The following RALGAPA1 variants were observed in gnomAD, a reference collection of about 807,000 sequenced individuals.
RALGAPA1 encodes the protein Ral GTPase activating protein catalytic subunit alpha 1, also known as ral GTPase-activating protein subunit alpha-1.
In RALGAPA1, 52 loss-of-function variants were observed where a neutral mutation model predicts 269.6. The observed-to-expected ratio is 0.19, with a 90% CI of 0.15 to 0.24. RALGAPA1 has a LOEUF of 0.24. Ranked by LOEUF, RALGAPA1 falls within the 10% of genes least tolerant of loss-of-function variation. The pLI, the probability that RALGAPA1 is intolerant of heterozygous loss-of-function variation, is 1.00. For missense variants in RALGAPA1, 1,917 were observed against 3,013.9 expected (o/e 0.64, Z 8.52); for synonymous variants, 817 against 1,008.3 (o/e 0.81, Z 3.60).
intron 36 of RALGAPA1, 56 bp from the exon 37 acceptor site, chr14:35,595,845 GAGAAAGACTCAA>G: frequency 7.0e-7 from 1 of 1,421,012 alleles, no homozygotes; most frequent in Non-Finnish European, 9.6e-7. Context: ...ATACACTACA[GAGAAAGACTCAA>G]ACTTCTTGCT....
chr14:35,758,243 C>CAAAAAAAAA (rs66473514), intron 6 of RALGAPA1, among the ~76,000 whole-genome samples: 3 of 49,734 alleles, frequency 6.0e-5, no homozygotes, highest in African/African-American at 7.3e-5. Flanking sequence ...GACTCTGTCT[C>CAAAAAAAAA]AAAAAAAAAA....
chr14:35,632,171 T>C (rs934512566), intron 33 of RALGAPA1, among the ~76,000 whole-genome samples: 2 of 152,214 alleles, frequency 1.3e-5, no homozygotes, highest in African/African-American at 2.4e-5. Flanking sequence ...TAAATTTATT[T>C]ATACTTATTT....
rs1465830947 is a variant in RALGAPA1, at chr14:35,557,918, AAAAG to A, written c.7497-8688_7497-8685del. On this transcript the variant is annotated intron_variant, in intron 39 of 41. Transcript: ENST00000680220. The stretch of plus-strand genomic sequence containing the variant: ...AATTTAGTCAACTTCATTTCAGCTG[AAAAG>A]AAAGAATCATCTATGGGGTCAGAAT... Among the ~76,000 whole-genome samples, 5 of 152,292 alleles carry A rather than the reference AAAAG, an allele frequency of 3.3e-5. No individual in the cohort carries two copies. The South Asian group carries it at 1.0e-3, about 32-fold the overall frequency.
intron 26 of RALGAPA1, 49 bp downstream of exon 26, chr14:35,671,339 TG>T: frequency 1.4e-6 from 2 of 1,464,642 alleles, no homozygotes; most frequent in East Asian, 4.7e-5. Flanking sequence ...CTTTGTTAGT[TG>T]AATCCTGGCT....
chr14:35,680,941 C>G (rs557555220), intron 21 of RALGAPA1, among the ~76,000 whole-genome samples: 1 of 152,212 alleles, frequency 6.6e-6, no homozygotes, highest in South Asian at 2.1e-4. Flanking sequence ...TCTATAATGG[C>G]TCACTTACTT....
At chr14:35,647,461 T>C (rs1483036444) in intron 31 of RALGAPA1, among the ~76,000 whole-genome samples, 1 of 152,190 alleles carries the variant, frequency 6.6e-6, no homozygotes. Context: ...GATTAAGAGT[T>C]CCTAGAGAAA....
At chr14:35,701,548 A>T (rs2067351491) in intron 16 of RALGAPA1, among the ~76,000 whole-genome samples, 1 of 152,142 alleles carries the variant, frequency 6.6e-6, no homozygotes, top group Non-Finnish European at 1.5e-5. Flanking sequence ...TCATCATCAC[A>T]TCATGACTTT....
intron 41 of RALGAPA1, among the ~76,000 whole-genome samples, chr14:35,545,658 A>C (rs2054390056): frequency 6.6e-6 from 1 of 152,092 alleles, no homozygotes; most frequent in Admixed American, 6.6e-5. Flanking sequence ...TACTCCAAAA[A>C]ATTATGAGTA....
intron 37 of RALGAPA1, among the ~76,000 whole-genome samples, chr14:35,594,654 G>A (rs1223661013): frequency 1.3e-5 from 2 of 151,360 alleles, no homozygotes; most frequent in African/African-American, 4.9e-5. Flanking sequence ...ACAAACATCG[G>A]TAAGGATGTG....
Position 35,757,966 on chromosome 14 carries a change from A to C in RALGAPA1, c.548-1058T>G, listed in dbSNP as rs150724349. 5.8e-3 allele frequency among the ~76,000 whole-genome samples: 883 copies of C among 152,218 alleles called. 6 individuals are homozygous for C. Among genetic ancestry groups the C allele is most frequent in the South Asian group, 0.024 (117 of 4,824 alleles). On this transcript the variant is annotated intron_variant, in intron 6 of 41. Transcript: ENST00000680220. ...ATTATTCTTTAAAAATACAAACTTT[A>C]GGCTGGGCGCAGTGGCTCACGCCTA...
chr14:35,624,412 TA>T (rs1490182063), intron 35 of RALGAPA1, among the ~76,000 whole-genome samples: 7 of 152,100 alleles, frequency 4.6e-5, no homozygotes, highest in African/African-American at 1.4e-4. Context: ...GAGATCTGGA[TA>T]GGACTATAGC....
chr14:35,746,617 G>A (rs1364011138), intron 10 of RALGAPA1, among the ~76,000 whole-genome samples: 1 of 152,030 alleles, frequency 6.6e-6, no homozygotes, highest in Non-Finnish European at 1.5e-5. Context: ...ATCCACTAAA[G>A]TAATTTCTAA....
intron 12 of RALGAPA1, among the ~76,000 whole-genome samples, chr14:35,729,202 T>C (rs1268166631): frequency 6.6e-6 from 1 of 152,216 alleles, no homozygotes. Flanking sequence ...TATTTATTTT[T>C]ATGTTTGTAT....
At position 35,728,370 on chromosome 14, in the gene RALGAPA1, T is replaced by G; in HGVS notation, c.1728A>C (p.Lys576Asn). The change falls in exon 13 of 42, where the codon AAA becomes AAC. Residue 576 changes from lysine to asparagine, a missense_variant. This residue lies in a region of RALGAPA1 where 462 missense variants were observed against 725.6 expected (regional missense o/e 0.64). Transcript: ENST00000680220. ...RYMVVQVSMDKKTWEQMLLVL... is the reference protein window; with the variant it reads ...RYMVVQVSMDNKTWEQMLLVL... ...GATAAAAATTTTTTTACCAAGTCTT[T>G]TTGTCCATTGATACTTGTACAACCA... 1 of 1,563,410 alleles carries G rather than the reference T, an allele frequency of 6.4e-7. No individual in the cohort carries two copies. Among genetic ancestry groups the G allele is most frequent in the South Asian group, 1.2e-5 (1 of 81,126 alleles).
intron 39 of RALGAPA1, among the ~76,000 whole-genome samples, chr14:35,558,093 C>T (rs2055808440): frequency 6.6e-6 from 1 of 151,406 alleles, no homozygotes; most frequent in Admixed American, 6.6e-5. Context: ...TCAGCGCATA[C>T]AATATTTCAT....
chr14:35,791,043 G>A (rs188745428), intron 1 of RALGAPA1, among the ~76,000 whole-genome samples: 28 of 152,266 alleles, frequency 1.8e-4, no homozygotes, highest in African/African-American at 6.3e-4. Flanking sequence ...TGACCCAGGA[G>A]GTTGAGAAAT....
In RALGAPA1 at chr14:35,689,322, C is replaced by A. The variant is rs1468385674; in HGVS notation, c.3089G>T (p.Arg1030Ile). 5 of 1,231,866 alleles carry A rather than the reference C, an allele frequency of 4.1e-6. No homozygotes were observed. The African/African-American group carries it at 7.8e-5, about 19-fold the overall frequency. The allele number at this position is 1,231,866 out of a possible 1,614,324, so 76.3% of individuals were successfully genotyped here. The change falls in exon 18 of 42, where the codon AGA becomes ATA. Residue 1030 changes from arginine to isoleucine, a missense_variant. This residue lies in a region of RALGAPA1 where 615 missense variants were observed against 790.0 expected (regional missense o/e 0.78). Coordinates refer to ENST00000680220, the MANE Select transcript of RALGAPA1 (RefSeq NM_001346249.2). ...IAPNQSDSFF[R>I]TQTSEKSKQL... ...CTTAGATTTTTCAGAAGTTTGTGTT[C>A]TAAAAAAACTGTCTGACTGGTTAGG...
rs151142958 is a variant in RALGAPA1 at position 35,742,145 on chromosome 14, G to C, written c.1449+223C>G. Among the ~76,000 whole-genome samples the C allele has an allele frequency of 3.9e-3, 591 of 152,296 alleles. 4 individuals carry two copies. Among genetic ancestry groups the C allele is most frequent in the African/African-American group, 0.013 (561 of 41,560 alleles). On this transcript the variant is annotated intron_variant, in intron 11 of 41. Transcript: ENST00000680220. Reference sequence around the variant, plus strand: ...ATCTAGACAATGGCTTAAAGAATCAGTATACAACCTCAATACTAATTTTTA... The same window carrying C: ...ATCTAGACAATGGCTTAAAGAATCACTATACAACCTCAATACTAATTTTTA...
At chr14:35,590,756 G>A (rs1282519011) in intron 37 of RALGAPA1, among the ~76,000 whole-genome samples, 1 of 152,200 alleles carries the variant, frequency 6.6e-6, no homozygotes, top group East Asian at 1.9e-4. Flanking sequence ...TAAAAGATTT[G>A]TAAAGAGTCC....
Sources: gnomAD v4.1 joint callset for allele counts (sites outside exome capture counted in the v4.1 genomes callset) on GRCh38, gnomAD v4.1.1 for gene constraint, gnomAD v4.1.1 regional missense constraint, MANE v1.5 for transcripts, NCBI Gene and HGNC (gene_info 2026-07-23, HGNC 2026-07-21) for gene names.